Variants in NTM observed in about 807,000 individuals in gnomAD.
The protein encoded by NTM is IgLON family member 2.
NTM carries 13 observed loss-of-function variants against 42.1 expected under a neutral mutation model. That is an observed-to-expected ratio of 0.31 (90% confidence interval 0.20 to 0.49). NTM has a LOEUF of 0.49. NTM is among the 20% of genes least tolerant of loss of function. The pLI is 0.99. For synonymous variants in NTM, 187 were observed against 179.2 expected, an observed-to-expected ratio of 1.04 and a Z score of -0.35; for missense variants, 373 against 452.8, an observed-to-expected ratio of 0.82 and a Z score of 1.60.
chr11:132,092,889 C>G (rs2060532156), intron 2 of NTM, among the ~76,000 whole-genome samples: 1 of 152,160 alleles, frequency 6.6e-6, no homozygotes, highest in Non-Finnish European at 1.5e-5. Flanking sequence ...CTTTCCATCC[C>G]CATCACTCCT....
chr11:132,032,670 G>A (rs1427841234), intron 2 of NTM, among the ~76,000 whole-genome samples: 1 of 152,070 alleles, frequency 6.6e-6, no homozygotes, highest in Non-Finnish European at 1.5e-5. Context: ...TAATGCTCTA[G>A]AGTGGGAAGT....
At chr11:132,001,801 T>C (rs58136945) in intron 2 of NTM, among the ~76,000 whole-genome samples, 4 of 138,988 alleles carry the variant, frequency 2.9e-5, no homozygotes, top group African/African-American at 8.0e-5. Context: ...CACACACACA[T>C]ACACACAATC....
chr11:131,890,146 C>CTCTCTCTG (rs1555167705), intron 1 of NTM, among the ~76,000 whole-genome samples: 4 of 65,626 alleles, frequency 6.1e-5, no homozygotes, highest in African/African-American at 3.2e-4. Context: ...CCCTCTCTCT[C>CTCTCTCTG]TCTCTCTCTG....
intron 1 of NTM, among the ~76,000 whole-genome samples, chr11:131,402,979 C>G (rs1945407604): frequency 6.6e-6 from 1 of 152,198 alleles, no homozygotes; most frequent in Non-Finnish European, 1.5e-5. Context: ...AGCAGCTGCT[C>G]TTCATTAGGC....
At chr11:131,703,992 CTT>C (rs1484665965) in intron 1 of NTM, among the ~76,000 whole-genome samples, 5 of 152,180 alleles carry the variant, frequency 3.3e-5, no homozygotes, top group Admixed American at 1.3e-4. Flanking sequence ...TTTAGACCCA[CTT>C]CAGCACCCGA....
intron 2 of NTM, among the ~76,000 whole-genome samples, chr11:132,056,392 A>G (rs1488717979): frequency 6.6e-6 from 1 of 152,246 alleles, no homozygotes; most frequent in Non-Finnish European, 1.5e-5. Flanking sequence ...GTTCATTGGC[A>G]GAGAGATGTC....
At chr11:132,015,069 T>C (rs2073132955) in intron 2 of NTM, among the ~76,000 whole-genome samples, 1 of 152,006 alleles carries the variant, frequency 6.6e-6, no homozygotes, top group African/African-American at 2.4e-5. Flanking sequence ...GGTTTTTTGA[T>C]ATGATGAGTG....
chr11:131,863,046 A>C (rs2046807737), intron 1 of NTM, among the ~76,000 whole-genome samples: 1 of 152,228 alleles, frequency 6.6e-6, no homozygotes, highest in Non-Finnish European at 1.5e-5. Flanking sequence ...CTCTAGACTC[A>C]AGAGCAGTGT....
intron 1 of NTM, among the ~76,000 whole-genome samples, chr11:131,642,583 C>G (rs987135442): frequency 3.3e-5 from 5 of 152,120 alleles, no homozygotes; most frequent in African/African-American, 9.7e-5. Flanking sequence ...ACCACGTTCC[C>G]TGGAGTTTTG....
intron 1 of NTM, among the ~76,000 whole-genome samples, chr11:131,807,441 T>C (rs1207981666): frequency 1.3e-5 from 2 of 152,104 alleles, no homozygotes; most frequent in Admixed American, 1.3e-4. Context: ...ATACAGCAAA[T>C]AGGAGAAACA....
intron 4 of NTM, among the ~76,000 whole-genome samples, chr11:132,217,328 T>C (rs1257391648): frequency 2.0e-5 from 3 of 151,480 alleles, no homozygotes; most frequent in Non-Finnish European, 4.4e-5. Flanking sequence ...AGTTCCACTC[T>C]TGTGCCTCTT....
At chr11:132,103,980 A>G (rs2061948398) in intron 2 of NTM, among the ~76,000 whole-genome samples, 1 of 152,212 alleles carries the variant, frequency 6.6e-6, no homozygotes, top group Non-Finnish European at 1.5e-5. Flanking sequence ...GCAGGACCAC[A>G]TTTGAAGTTA....
intron 4 of NTM, among the ~76,000 whole-genome samples, chr11:132,223,843 C>T (rs1031826196): frequency 1.3e-5 from 2 of 152,184 alleles, no homozygotes; most frequent in African/African-American, 4.8e-5. Context: ...TAGCTTATGG[C>T]TAAGACAGAG....
At chr11:132,099,707 G>A (rs1393844100) in intron 2 of NTM, among the ~76,000 whole-genome samples, 2 of 152,128 alleles carry the variant, frequency 1.3e-5, no homozygotes, top group East Asian at 1.9e-4. Flanking sequence ...TAAGAAACAG[G>A]TCTTCTTGGG....
intron 1 of NTM, among the ~76,000 whole-genome samples, chr11:131,865,098 T>A (rs1280483164): frequency 6.6e-6 from 1 of 152,216 alleles, no homozygotes; most frequent in Non-Finnish European, 1.5e-5. Flanking sequence ...TTCTGGGCTG[T>A]ATCATGCGCT....
intron 1 of NTM, among the ~76,000 whole-genome samples, chr11:131,851,486 T>A (rs988625953): frequency 1.3e-5 from 2 of 152,064 alleles, no homozygotes; most frequent in African/African-American, 4.8e-5. Flanking sequence ...GCATGACATT[T>A]CACATTCTGG....
intron 1 of NTM, chr11:131,535,884 T>A (rs1044149074): frequency 1.3e-5 from 2 of 152,234 alleles, no homozygotes; most frequent in African/African-American, 4.8e-5. Context: ...TGACTTACTG[T>A]GTTGCCACTG....
At chr11:131,674,791 C>G (rs79016283) in intron 1 of NTM, among the ~76,000 whole-genome samples, 4,974 of 152,226 alleles carry the variant, frequency 0.033, 276 homozygotes, top group African/African-American at 0.11. Context: ...ACCTTCCCCG[C>G]GGGATATAGG....
chr11:132,258,294 AGTT>A (rs1591577893), intron 4 of NTM, among the ~76,000 whole-genome samples: 1 of 152,144 alleles, frequency 6.6e-6, no homozygotes, highest in East Asian at 1.9e-4. Flanking sequence ...TCTATCCATC[AGTT>A]GGTTATTAGA....
Sources: allele counts gnomAD v4.1 joint callset (sites outside exome capture counted in the v4.1 genomes callset), GRCh38; gene constraint gnomAD v4.1.1; transcripts MANE v1.5; gene names NCBI Gene and HGNC (gene_info 2026-07-23, HGNC 2026-07-21).